Variants in NKAIN3 observed in about 807,000 individuals in gnomAD.
The protein encoded by NKAIN3 is sodium/potassium transporting ATPase interacting 3.
Under a neutral mutation model 30.2 loss-of-function variants are expected in NKAIN3, and 25 were observed. The observed-to-expected ratio is 0.83, with a 90% CI of 0.60 to 1.16. The LOEUF (loss-of-function observed/expected upper bound fraction) is 1.16, where lower values mean the gene tolerates loss of function less well. Among genes scored for constraint, NKAIN3 ranks in the 50% most tolerant of loss-of-function variants. The pLI, the probability that NKAIN3 is intolerant of heterozygous loss-of-function variation, is 0.00. For synonymous variants in NKAIN3, 91 were observed against 89.6 expected (o/e 1.02, Z -0.09); for missense variants, 225 against 254.1 (o/e 0.89, Z 0.78).
At chr8:62,502,997 A>G (rs1469466676) in intron 1 of NKAIN3, among the ~76,000 whole-genome samples, 1 of 152,172 alleles carries the variant, frequency 6.6e-6, no homozygotes, top group African/African-American at 2.4e-5. Context: ...GGTTTGGTCC[A>G]TGACGTGTTG....
intron 3 of NKAIN3, among the ~76,000 whole-genome samples, chr8:62,685,802 A>C (rs2130429358): frequency 6.6e-6 from 1 of 152,238 alleles, no homozygotes. Context: ...CGCAACTATT[A>C]AGTCTTTTGG....
At position 62,664,629 on chromosome 8, in the gene NKAIN3, A is replaced by G. The variant is rs183607955; in HGVS notation, c.273+74835A>G. On this transcript the variant is annotated intron_variant, in intron 3 of 6. Transcript: ENST00000623646. Reference sequence around the variant, plus strand: ...CTTCCCAGCCAGGCACTCTCAGTCTACTGTAATAAACCATTTCCCCTTTTC... The same window carrying G: ...CTTCCCAGCCAGGCACTCTCAGTCTGCTGTAATAAACCATTTCCCCTTTTC... 1.5e-3 allele frequency among the ~76,000 whole-genome samples: 226 copies of G among 152,248 alleles called. 1 individual carries two copies. Among genetic ancestry groups the G allele is most frequent in the African/African-American group, 5.0e-3 (208 of 41,556 alleles).
chr8:62,299,553 A>G (rs947428053), intron 1 of NKAIN3, among the ~76,000 whole-genome samples: 1 of 152,152 alleles, frequency 6.6e-6, no homozygotes, highest in African/African-American at 2.4e-5. Context: ...ACTCAAATGA[A>G]TTTTATTTTA....
chr8:62,897,882 G>A (rs563180353), intron 4 of NKAIN3, among the ~76,000 whole-genome samples: 20 of 152,188 alleles, frequency 1.3e-4, no homozygotes, highest in Non-Finnish European at 2.4e-4. Flanking sequence ...ACAAGTTGAC[G>A]CAGCCTAAGA....
At chr8:62,632,636 G>A (rs543641695) in intron 3 of NKAIN3, among the ~76,000 whole-genome samples, 1 of 152,102 alleles carries the variant, frequency 6.6e-6, no homozygotes, top group African/African-American at 2.4e-5. Context: ...CCGAGTAGCT[G>A]GGATTACAGC....
At chr8:62,292,633 G>T (rs7828388) in intron 1 of NKAIN3, among the ~76,000 whole-genome samples, 5,340 of 152,190 alleles carry the variant, frequency 0.035, 338 homozygotes, top group African/African-American at 0.12. Context: ...TTCCCTTTGT[G>T]GGTAACTCAA....
At chr8:62,412,317 C>A (rs1368184249) in intron 1 of NKAIN3, among the ~76,000 whole-genome samples, 10 of 149,976 alleles carry the variant, frequency 6.7e-5, no homozygotes, top group Non-Finnish European at 3.0e-5. Flanking sequence ...AACAAACAAA[C>A]AAAAAAAAAC....
chr8:62,345,168 C>A (rs1377943870), intron 1 of NKAIN3, among the ~76,000 whole-genome samples: 1 of 151,306 alleles, frequency 6.6e-6, no homozygotes, highest in Non-Finnish European at 1.5e-5. Flanking sequence ...TATCCTGGAA[C>A]TTTACCACAT....
intron 1 of NKAIN3, among the ~76,000 whole-genome samples, chr8:62,331,104 T>C (rs182925956): frequency 8.7e-4 from 131 of 150,972 alleles, no homozygotes; most frequent in African/African-American, 3.0e-3. Context: ...CATATATATA[T>C]ATGTATATAT....
chr8:62,332,741 G>C (rs529658537), intron 1 of NKAIN3, among the ~76,000 whole-genome samples: 3 of 152,036 alleles, frequency 2.0e-5, no homozygotes, highest in East Asian at 1.9e-4. Flanking sequence ...AGAAGTTTTC[G>C]ACCAGGCACT....
chr8:62,396,165 C>T (rs1339517681), intron 1 of NKAIN3, among the ~76,000 whole-genome samples: 2 of 152,320 alleles, frequency 1.3e-5, no homozygotes, highest in South Asian at 2.1e-4. Flanking sequence ...CACACACACA[C>T]ATGCACACAC....
At chr8:62,759,909 A>G (rs115008690) in intron 4 of NKAIN3, among the ~76,000 whole-genome samples, 1,549 of 152,282 alleles carry the variant, frequency 0.01, 26 homozygotes, top group African/African-American at 0.034. Flanking sequence ...TAGAACTCAA[A>G]CAAATTTACA....
chr8:62,535,322 G>A (rs989282314), intron 1 of NKAIN3, among the ~76,000 whole-genome samples: 1 of 152,014 alleles, frequency 6.6e-6, no homozygotes, highest in Non-Finnish European at 1.5e-5. Context: ...CATATGTGTG[G>A]GGTGTTTTTC....
chr8:62,812,344 A>G (rs1818515289), intron 4 of NKAIN3, among the ~76,000 whole-genome samples: 1 of 151,852 alleles, frequency 6.6e-6, no homozygotes, highest in Non-Finnish European at 1.5e-5. Flanking sequence ...ATTTTAGAAG[A>G]AGCTTATTTA....
chr8:62,860,131 A>G (rs1314019598), intron 4 of NKAIN3, among the ~76,000 whole-genome samples: 1 of 152,240 alleles, frequency 6.6e-6, no homozygotes, highest in Non-Finnish European at 1.5e-5. Context: ...CTGACTGTAG[A>G]GTAGCGACCT....
chr8:62,708,577 C>T (rs377696601), intron 3 of NKAIN3, among the ~76,000 whole-genome samples: 22 of 152,174 alleles, frequency 1.4e-4, no homozygotes, highest in East Asian at 7.7e-4. Context: ...ATCTTGTATC[C>T]GGAAACTATG....
chr8:62,739,886 A>G (rs931514701), intron 3 of NKAIN3, among the ~76,000 whole-genome samples: 15 of 152,190 alleles, frequency 9.9e-5, no homozygotes, highest in African/African-American at 3.6e-4. Flanking sequence ...AAAAGTCCAA[A>G]TGATTATGAC....
intron 3 of NKAIN3, among the ~76,000 whole-genome samples, chr8:62,667,035 G>A (rs761760490): frequency 6.6e-6 from 1 of 151,176 alleles, no homozygotes; most frequent in African/African-American, 2.4e-5. Context: ...AAAGAATAAA[G>A]TATTGAGTAG....
chr8:62,620,470 G>C (rs1268395956), intron 3 of NKAIN3, among the ~76,000 whole-genome samples: 1 of 152,076 alleles, frequency 6.6e-6, no homozygotes, highest in African/African-American at 2.4e-5. Flanking sequence ...AACCTCATCA[G>C]TACAGAAGTA....
Sources: allele counts gnomAD v4.1 joint callset (sites outside exome capture counted in the v4.1 genomes callset), GRCh38; gene constraint gnomAD v4.1.1; transcripts MANE v1.5; gene names NCBI Gene and HGNC (gene_info 2026-07-23, HGNC 2026-07-21).